The following SAMD5 variants were observed in gnomAD, a reference collection of about 807,000 sequenced individuals.
The protein encoded by SAMD5 is sterile alpha motif domain-containing protein 5.
SAMD5 carries 13 observed loss-of-function variants against 11.3 expected under a neutral mutation model. The ratio of observed to expected loss-of-function variants is 1.15; its 90% CI spans 0.75 to 1.83. The LOEUF (loss-of-function observed/expected upper bound fraction) is 1.83. Ranked by LOEUF, SAMD5 falls within the 40% of genes most tolerant of loss-of-function variation. The probability of loss-of-function intolerance (pLI) is 0.00; values close to 1 mark genes in which losing one functional copy is unlikely to be tolerated. For synonymous variants in SAMD5, 129 were observed against 111.3 expected (o/e 1.16, Z -1.00); for missense variants, 255 against 239.1 (o/e 1.07, Z -0.44).
chr6:147,615,459 G>A (rs6925174), intron 1 of SAMD5, among the ~76,000 whole-genome samples: 27,074 of 151,998 alleles, frequency 0.18, 4,924 homozygotes, highest in African/African-American at 0.47. Context: ...GATAATATTT[G>A]TCTCATGCCT....
intron 1 of SAMD5, among the ~76,000 whole-genome samples, chr6:147,688,873 C>G (rs1166172566): frequency 6.6e-6 from 1 of 152,176 alleles, no homozygotes; most frequent in Non-Finnish European, 1.5e-5. Context: ...AGGTCAAAAT[C>G]CTGGCTTCAT....
intron 1 of SAMD5, among the ~76,000 whole-genome samples, chr6:147,640,200 C>A (rs2128452266): frequency 6.6e-6 from 1 of 151,954 alleles, no homozygotes; most frequent in South Asian, 2.1e-4. Context: ...GTGGCACGTG[C>A]CTGTGGTCCC....
chr6:147,834,849 T>C, the SAMD5 span, among the ~76,000 whole-genome samples: 3 of 152,220 alleles, frequency 2.0e-5, no homozygotes, highest in Non-Finnish European at 4.4e-5. Context: ...TGGGAAACTA[T>C]GATGTGGAAA....
chr6:147,675,746 T>C (rs190467672), intron 1 of SAMD5, among the ~76,000 whole-genome samples: 3 of 152,320 alleles, frequency 2.0e-5, no homozygotes, highest in Admixed American at 2.0e-4. Flanking sequence ...ATGTTTTTTG[T>C]ATAAGGGGAA....
intron 1 of SAMD5, among the ~76,000 whole-genome samples, chr6:147,675,110 C>T (rs1177959606): frequency 6.6e-6 from 1 of 152,170 alleles, no homozygotes; most frequent in Non-Finnish European, 1.5e-5. Flanking sequence ...TATTGCCCCA[C>T]AGCTTTGACA....
chr6:147,791,948 G>A, the SAMD5 span, among the ~76,000 whole-genome samples: 1 of 152,174 alleles, frequency 6.6e-6, no homozygotes, highest in African/African-American at 2.4e-5. Context: ...GAATTGCATA[G>A]GTGAAGCACA....
chr6:147,606,106 T>G (rs1230304277), intron 1 of SAMD5, among the ~76,000 whole-genome samples: 1 of 152,074 alleles, frequency 6.6e-6, no homozygotes, highest in Admixed American at 6.6e-5. Flanking sequence ...GGAAGAACAT[T>G]TTTATCTTCC....
intron 1 of SAMD5, among the ~76,000 whole-genome samples, chr6:147,525,401 T>G (rs1473561816): frequency 6.7e-6 from 1 of 148,364 alleles, no homozygotes; most frequent in Non-Finnish European, 1.5e-5. Context: ...CAGCCTGGAG[T>G]GGGAATACAT....
chr6:147,893,579 T>C, the SAMD5 span, among the ~76,000 whole-genome samples: 1 of 152,188 alleles, frequency 6.6e-6, no homozygotes, highest in African/African-American at 2.4e-5. Context: ...ACTCCATTTT[T>C]TTTCAACCTT....
chr6:147,931,785 C>T, the SAMD5 span, among the ~76,000 whole-genome samples: 1 of 152,132 alleles, frequency 6.6e-6, no homozygotes, highest in Non-Finnish European at 1.5e-5. Flanking sequence ...CTGTATTATA[C>T]AAAAGCCTGT....
At chr6:147,859,516 T>G in the SAMD5 span, among the ~76,000 whole-genome samples, 11 of 152,306 alleles carry the variant, frequency 7.2e-5, no homozygotes, top group Admixed American at 7.2e-4. Context: ...TGGCTTTCCT[T>G]TATAAGTTGA....
the SAMD5 span, among the ~76,000 whole-genome samples, chr6:147,821,884 C>T: frequency 6.6e-6 from 1 of 152,062 alleles, no homozygotes; most frequent in African/African-American, 2.4e-5. Flanking sequence ...AGAGTCTGTT[C>T]AGGTATTTTA....
chr6:147,566,213 G>A lies in SAMD5; in HGVS notation c.*1757G>A, dbSNP rs117369381. The A allele has an allele frequency of 0.026, 25,610 of 976,646 alleles. 378 individuals carry two copies. Among genetic ancestry groups the A allele is most frequent in the South Asian group, 0.047 (991 of 21,090 alleles). 60.5% of individuals were successfully genotyped at this position (976,646 alleles called of 1,614,324 possible). ...AATGTAAGGAAGTTAAATTTTAAAA[G>A]CATGTATAGGTTGTCCTTAAATTAT... is the stretch of plus-strand genomic sequence containing the variant. On this transcript the variant is annotated 3_prime_UTR_variant, in exon 2 of 2. Coordinates refer to ENST00000367474, the MANE Select transcript of SAMD5 (RefSeq NM_001030060.3).
chr6:147,699,083 A>C (rs1193518714), intron 1 of SAMD5, among the ~76,000 whole-genome samples: 1 of 152,026 alleles, frequency 6.6e-6, no homozygotes, highest in African/African-American at 2.4e-5. Context: ...CCTGGTTCTC[A>C]ACACCCCCTG....
intron 1 of SAMD5, among the ~76,000 whole-genome samples, chr6:147,586,499 G>T (rs1233231387): frequency 1.3e-5 from 2 of 152,064 alleles, no homozygotes; most frequent in Non-Finnish European, 2.9e-5. Flanking sequence ...TATTTACGGA[G>T]AAATTGTGGA....
intron 1 of SAMD5, among the ~76,000 whole-genome samples, chr6:147,576,986 A>G (rs1288808645): frequency 2.6e-5 from 4 of 152,222 alleles, no homozygotes; most frequent in African/African-American, 9.6e-5. Context: ...ATAACTTTCT[A>G]TTACACAATT....
the SAMD5 span, among the ~76,000 whole-genome samples, chr6:147,885,002 A>C: frequency 6.6e-6 from 1 of 152,234 alleles, no homozygotes; most frequent in Non-Finnish European, 1.5e-5. Context: ...TAGCATCCTT[A>C]AGATTTAAAA....
intron 1 of SAMD5, among the ~76,000 whole-genome samples, chr6:147,639,091 AACTGCAAATTGCGAGT>A (rs1159242528): frequency 5.3e-5 from 8 of 152,138 alleles, no homozygotes; most frequent in Non-Finnish European, 1.2e-4. Context: ...TAGTTATTTA[AACTGCAAATTGCGAGT>A]ACTTGGCAAA....
chr6:147,691,060 C>A (rs114119807), intron 1 of SAMD5, among the ~76,000 whole-genome samples: 8 of 150,834 alleles, frequency 5.3e-5, no homozygotes, highest in African/African-American at 2.0e-4. Flanking sequence ...AATGGCACAA[C>A]CTTAGCTTAC....
Sources: gnomAD v4.1 joint callset for allele counts (sites outside exome capture counted in the v4.1 genomes callset) on GRCh38, gnomAD v4.1.1 for gene constraint, MANE v1.5 for transcripts, NCBI Gene and HGNC (gene_info 2026-07-23, HGNC 2026-07-21) for gene names.